Variants in CTNNA3 observed in about 807,000 individuals in gnomAD.
CTNNA3 encodes the protein catenin alpha-3.
Under a neutral mutation model 95.7 loss-of-function variants are expected in CTNNA3, and 76 were observed. The ratio of observed to expected loss-of-function variants is 0.79; its 90% CI spans 0.66 to 0.96. CTNNA3 has a LOEUF of 0.96. CTNNA3 is among the 40% of genes least tolerant of loss of function. The probability of loss-of-function intolerance (pLI) is 0.00; values close to 1 mark genes in which losing one functional copy is unlikely to be tolerated. For missense variants in CTNNA3, 1,191 were observed against 1,089.8 expected, an observed-to-expected ratio of 1.09 and a Z score of -1.31; for synonymous variants, 431 against 374.4, an observed-to-expected ratio of 1.15 and a Z score of -1.74.
At position 65,968,962 on chromosome 10, in the gene CTNNA3, G is replaced by A. The variant is rs2078038028; in HGVS notation, c.2266-2216C>T. On this transcript the variant is annotated intron_variant, in intron 16 of 17. Coordinates refer to ENST00000433211, the MANE Select transcript of CTNNA3 (RefSeq NM_013266.4). ...GCCCATCTTGCTCCCAACACCTCTA[G>A]GGCTGAGGAGGGAGCTCAGAGCATT... 2.0e-5 allele frequency among the ~76,000 whole-genome samples: 3 copies of A among 152,174 alleles called. No homozygotes were observed. In the South Asian group the frequency reaches 6.2e-4, roughly 31 times the overall value.
intron 5 of CTNNA3, among the ~76,000 whole-genome samples, chr10:67,365,469 C>G (rs1044547364): frequency 6.6e-6 from 1 of 152,172 alleles, no homozygotes; most frequent in Non-Finnish European, 1.5e-5. Flanking sequence ...ATTTTGCAAT[C>G]TACCCATGTG....
intron 1 of CTNNA3, among the ~76,000 whole-genome samples, chr10:67,717,442 T>C (rs1034485392): frequency 2.0e-5 from 3 of 152,210 alleles, no homozygotes; most frequent in Admixed American, 6.5e-5. Flanking sequence ...AGGGTTTTTA[T>C]GGTTTTCAGT....
intron 7 of CTNNA3, among the ~76,000 whole-genome samples, chr10:66,945,988 T>C (rs186582118): frequency 6.6e-6 from 1 of 152,136 alleles, no homozygotes; most frequent in East Asian, 1.9e-4. Context: ...CAGATCACCA[T>C]AATAGATATA....
chr10:67,218,651 T>G (rs987062444), intron 6 of CTNNA3, among the ~76,000 whole-genome samples: 4 of 152,232 alleles, frequency 2.6e-5, no homozygotes, highest in African/African-American at 9.6e-5. Flanking sequence ...CTTTCATTCA[T>G]GTCCCACATC....
In CTNNA3 at chr10:65,917,771, T is replaced by A. The variant is rs979075411; in HGVS notation, c.*2559A>T. The A allele has an allele frequency of 6.6e-6, 1 of 150,946 alleles. No individual in the cohort carries two copies. The highest frequency in any genetic ancestry group is 6.7e-5 in the Admixed American group (1 of 15,030). 9.4% of individuals were successfully genotyped at this position (150,946 alleles called of 1,614,324 possible). ...TTCTGGCAATCCTCTGCAGAAGAAATACCTAAATATAAATGTGTCATGCTG... is the reference window on the plus strand; with the variant it reads ...TTCTGGCAATCCTCTGCAGAAGAAAAACCTAAATATAAATGTGTCATGCTG... On this transcript the variant is annotated 3_prime_UTR_variant, in exon 18 of 18. Transcript: ENST00000433211.
At chr10:66,176,940 T>C (rs936660857) in intron 13 of CTNNA3, among the ~76,000 whole-genome samples, 1 of 151,826 alleles carries the variant, frequency 6.6e-6, no homozygotes, top group Non-Finnish European at 1.5e-5. Context: ...CTTAGGAAAC[T>C]GCAAATAGTT....
chr10:66,855,123 C>T (rs538154825), intron 7 of CTNNA3, among the ~76,000 whole-genome samples: 1 of 151,908 alleles, frequency 6.6e-6, no homozygotes, highest in Admixed American at 6.6e-5. Context: ...AGTTATCACA[C>T]TCACTATGGA....
chr10:66,666,197 C>T (rs1846445564), intron 9 of CTNNA3, among the ~76,000 whole-genome samples: 1 of 152,106 alleles, frequency 6.6e-6, no homozygotes. Flanking sequence ...AGACTGTCTA[C>T]TTTGGAGTAT....
intron 10 of CTNNA3, among the ~76,000 whole-genome samples, chr10:66,617,290 G>C (rs1273285298): frequency 6.6e-6 from 1 of 151,802 alleles, no homozygotes; most frequent in African/African-American, 2.4e-5. Flanking sequence ...TATTTAAGCT[G>C]AGTCCTCATA....
chr10:67,289,140 G>A (rs781380705), intron 5 of CTNNA3, among the ~76,000 whole-genome samples: 21 of 152,004 alleles, frequency 1.4e-4, no homozygotes, highest in East Asian at 1.9e-4. Flanking sequence ...GTAATTATCC[G>A]TAGAATTTCT....
chr10:66,382,252 T>C (rs1354949532), intron 11 of CTNNA3, among the ~76,000 whole-genome samples: 1 of 152,198 alleles, frequency 6.6e-6, no homozygotes, highest in Non-Finnish European at 1.5e-5. Flanking sequence ...CCCAAGGTTT[T>C]AGCAACCAGC....
At position 66,474,076 on chromosome 10, in the gene CTNNA3, TC is replaced by T. The variant is rs146079885; in HGVS notation, c.1531+46540del. 7.6e-3 allele frequency among the ~76,000 whole-genome samples: 1,160 copies of T among 152,066 alleles called. 15 individuals are homozygous for T. The highest frequency in any genetic ancestry group is 0.027 in the African/African-American group (1,108 of 41,518). ...GTGTGAGAATGGACTAATACAACTTTCAAAATCCTCTCTTCTAGCTATTTTG... is the reference window on the plus strand; with the variant it reads ...GTGTGAGAATGGACTAATACAACTTTAAAATCCTCTCTTCTAGCTATTTTG... On this transcript the variant is annotated intron_variant, in intron 11 of 17. Coordinates refer to ENST00000433211, the MANE Select transcript of CTNNA3 (RefSeq NM_013266.4).
At chr10:66,695,469 T>G (rs1847722183) in intron 9 of CTNNA3, among the ~76,000 whole-genome samples, 1 of 152,130 alleles carries the variant, frequency 6.6e-6, no homozygotes, top group Non-Finnish European at 1.5e-5. Context: ...TAAACTTAAA[T>G]GAAATGAGAA....
At chr10:67,728,581 G>A (rs1187910502) in intron 1 of CTNNA3, among the ~76,000 whole-genome samples, 1 of 151,662 alleles carries the variant, frequency 6.6e-6, no homozygotes, top group Admixed American at 6.6e-5. Context: ...TGATGTCAAT[G>A]CTGCTGGTCT....
chr10:65,997,996 C>T (rs2078698045), intron 15 of CTNNA3, among the ~76,000 whole-genome samples: 2 of 152,156 alleles, frequency 1.3e-5, no homozygotes, highest in African/African-American at 4.8e-5. Flanking sequence ...GCCTGGGCAA[C>T]AAGGTGAAAC....
At position 67,359,087 on chromosome 10, in the gene CTNNA3, C is replaced by T. The variant is rs148030517; in HGVS notation, c.580-139217G>A. On this transcript the variant is annotated intron_variant, in intron 5 of 17. Transcript: ENST00000433211. Reference sequence around the variant, plus strand: ...CATAAATATGCATCACCTGTGAAACCCAATGCAGCAAAACTAATCACAACG... The same window carrying T: ...CATAAATATGCATCACCTGTGAAACTCAATGCAGCAAAACTAATCACAACG... Among the ~76,000 whole-genome samples the T allele has an allele frequency of 1.1e-3, 166 of 151,774 alleles. 1 individual carries two copies. The highest frequency in any genetic ancestry group is 3.9e-3 in the African/African-American group (162 of 41,392).
intron 3 of CTNNA3, among the ~76,000 whole-genome samples, chr10:67,584,896 G>A (rs150967449): frequency 0.013 from 1,977 of 152,294 alleles, 49 homozygotes; most frequent in African/African-American, 0.045. Flanking sequence ...CTGGTGTGCC[G>A]TTTGCTAAGA....
chr10:66,672,286 T>C (rs1015878538), intron 9 of CTNNA3, among the ~76,000 whole-genome samples: 1 of 152,160 alleles, frequency 6.6e-6, no homozygotes, highest in African/African-American at 2.4e-5. Context: ...TTATAGGCTC[T>C]GTGTGAAGAA....
rs561776949 is a variant in CTNNA3, at chr10:65,991,035, T to C, written c.2160-2238A>G. On this transcript the variant is annotated intron_variant, in intron 15 of 17. Coordinates refer to ENST00000433211, the MANE Select transcript of CTNNA3 (RefSeq NM_013266.4). Reference sequence around the variant, plus strand: ...GAAGAGCCATCCTTTCCCCAGTGCCTGTTCTTCCCACCTTTGTCGAAAACC... The same window carrying C: ...GAAGAGCCATCCTTTCCCCAGTGCCCGTTCTTCCCACCTTTGTCGAAAACC... Among the ~76,000 whole-genome samples the C allele has an allele frequency of 4.5e-4, 68 of 152,250 alleles. No homozygotes were observed. The South Asian group carries it at 0.014, about 31-fold the overall frequency.
Sources: allele counts gnomAD v4.1 joint callset (sites outside exome capture counted in the v4.1 genomes callset), GRCh38; gene constraint gnomAD v4.1.1; transcripts MANE v1.5; gene names NCBI Gene and HGNC (gene_info 2026-07-23, HGNC 2026-07-21).